Variants in ZNF516 observed in about 807,000 individuals in gnomAD.
ZNF516 encodes the protein zinc finger protein 516.
Under a neutral mutation model 79.7 loss-of-function variants are expected in ZNF516, and 19 were observed. The observed-to-expected ratio is 0.24, with a 90% confidence interval of 0.17 to 0.35. ZNF516 has a LOEUF of 0.35. ZNF516 is among the 10% of genes least tolerant of loss of function. The pLI, the probability that ZNF516 is intolerant of heterozygous loss-of-function variation, is 1.00. For missense variants in ZNF516, 1,678 were observed against 1,679.5 expected (o/e 1.00, Z 0.02); for synonymous variants, 877 against 739.5 (o/e 1.19, Z -3.02).
chr18:76,492,146 A>G (rs1915266621), intron 1 of ZNF516: 1 of 985,234 alleles, frequency 1.0e-6, no homozygotes, highest in Non-Finnish European at 1.2e-6. Flanking sequence ...TAACCTCTCC[A>G]TTGCATCATC....
chr18:76,432,613 A>C (rs541384729), intron 3 of ZNF516, among the ~76,000 whole-genome samples: 52 of 151,918 alleles, frequency 3.4e-4, no homozygotes, highest in African/African-American at 1.3e-3. Flanking sequence ...CTACAGCCCC[A>C]CTCTCTGGGC....
intron 3 of ZNF516, among the ~76,000 whole-genome samples, chr18:76,382,682 G>A (rs534335136): frequency 2.0e-5 from 3 of 152,256 alleles, no homozygotes; most frequent in East Asian, 3.9e-4. Context: ...AGGCCGAGGC[G>A]GGCAGATCAC....
chr18:76,441,742 G>A lies in ZNF516; in HGVS notation c.1313C>T (p.Ala438Val). 3.8e-6 allele frequency: 6 copies of A among 1,572,720 alleles called. No individual in the cohort carries two copies. The highest frequency in any genetic ancestry group is 3.4e-6 in the Non-Finnish European group (4 of 1,164,730). Residue 438 changes from alanine (A) to valine (V), a missense_variant, in exon 3 of 7, where the codon GCC (alanine) becomes GTC (valine). By Grantham distance (64) the Ala-to-Val change is moderately conservative. This residue lies in a region of ZNF516 where 1,294 missense variants were observed against 1,248.3 expected (regional missense o/e 1.04). Transcript: ENST00000443185. ...GTCCCCGGCCAGCGCCTCGTCCCAG[G>A]CCCCGTACTTGAGGTACTCGGCCGG... ...AEPAEYLKYG[A>V]WDEALAGDVA...
chr18:76,442,493 C>G lies in ZNF516; in HGVS notation c.562G>C (p.Asp188His). The change falls in exon 3 of 7, where the codon GAC becomes CAC. Residue 188 changes from aspartate to histidine, a missense_variant. By Grantham distance (81) the Asp-to-His change is moderately conservative. Coordinates refer to ENST00000443185, the MANE Select transcript of ZNF516 (RefSeq NM_014643.4). ...FCKSQFERKK[D>H]LELHVHQAHK... ...GCCTGGTGCACGTGCAGCTCCAGGT[C>G]CTTCTTACGCTCGAACTGGCTCTTG... 6.2e-7 allele frequency: 1 copy of G among 1,602,804 alleles called. No homozygotes were observed. Among genetic ancestry groups the G allele is most frequent in the Non-Finnish European group, 8.5e-7 (1 of 1,179,636 alleles).
At chr18:76,371,355 TG>T in intron 5 of ZNF516, 111 bp downstream of exon 5, 2 of 1,115,742 alleles carry the variant, frequency 1.8e-6, no homozygotes, top group Non-Finnish European at 1.3e-6. Flanking sequence ...CCCCGCCGCC[TG>T]GTAGGGGCTG....
chr18:76,365,967 G>A (rs2074606374), intron 6 of ZNF516, among the ~76,000 whole-genome samples: 1 of 152,200 alleles, frequency 6.6e-6, no homozygotes, highest in African/African-American at 2.4e-5. Flanking sequence ...ACCAAAGGAA[G>A]GTGTTCAGAA....
chr18:76,441,983 G>A lies in ZNF516; in HGVS notation c.1072C>T (p.Arg358Cys), dbSNP rs761524320. 10 of 1,613,112 alleles carry A rather than the reference G, an allele frequency of 6.2e-6. No homozygotes were observed. The highest frequency in any genetic ancestry group is 1.7e-4 in the Middle Eastern group (1 of 6,060). ...CGCGTGCGGCTGGCCTCGACTCTGC[G>A]GTGGATGGCATTGTGGGCGTTCAAG... ...DSLNAHNAIH[R>C]RVEASRTRAP... is the part of the protein sequence containing the mutation. The change falls in exon 3 of 7, where the codon CGC (arginine) becomes TGC (cysteine). Residue 358 changes from arginine (R) to cysteine (C), a missense_variant. Arg to Cys is a radical substitution (Grantham distance 180, BLOSUM62 -3). Transcript: ENST00000443185.
intron 3 of ZNF516, among the ~76,000 whole-genome samples, chr18:76,395,200 T>A (rs1568256028): frequency 6.6e-6 from 1 of 152,160 alleles, no homozygotes; most frequent in Non-Finnish European, 1.5e-5. Flanking sequence ...CAGAGTGGGT[T>A]TCCCACACAG....
At chr18:76,365,747 A>G (rs1242467998) in intron 6 of ZNF516, among the ~76,000 whole-genome samples, 2 of 152,152 alleles carry the variant, frequency 1.3e-5, no homozygotes, top group Non-Finnish European at 2.9e-5. Context: ...TGGAAGAATC[A>G]CCCACAAGAG....
chr18:76,492,147 T>C (rs376872720), intron 1 of ZNF516: 12 of 985,250 alleles, frequency 1.2e-5, no homozygotes, highest in African/African-American at 1.0e-4. Flanking sequence ...AACCTCTCCA[T>C]TGCATCATCC....
chr18:76,419,552 C>T (rs761472542), intron 3 of ZNF516, among the ~76,000 whole-genome samples: 5 of 152,208 alleles, frequency 3.3e-5, no homozygotes, highest in African/African-American at 4.8e-5. Flanking sequence ...AACTGTAGCT[C>T]CATAATTCCA....
At chr18:76,400,018 C>T (rs897525654) in intron 3 of ZNF516, among the ~76,000 whole-genome samples, 1 of 152,140 alleles carries the variant, frequency 6.6e-6, no homozygotes, top group Non-Finnish European at 1.5e-5. Context: ...AGACCATCAC[C>T]GCAGAGCAAT....
At chr18:76,439,368 T>C (rs1000274487) in intron 3 of ZNF516, among the ~76,000 whole-genome samples, 5 of 152,256 alleles carry the variant, frequency 3.3e-5, no homozygotes, top group South Asian at 2.1e-4. Flanking sequence ...CCATGTTTCA[T>C]GCCTCTGTCG....
Position 76,441,248 on chromosome 18 carries a change from G to C in ZNF516, c.1807C>G (p.Pro603Ala). 1 of 1,609,170 alleles carries C rather than the reference G, an allele frequency of 6.2e-7. No individual in the cohort carries two copies. Among genetic ancestry groups the C allele is most frequent in the Non-Finnish European group, 8.5e-7 (1 of 1,178,690 alleles). Reference protein sequence around the residue: ...SGEEGAPEPAPGGQPRRCCFS... With the variant: ...SGEEGAPEPAAGGQPRRCCFS... Reference sequence around the variant, plus strand: ...CCACCTGGGTACACTTGCTCACCTGGTGCAGGTTCAGGGGCGCCCTCCTCA... The same window carrying C: ...CCACCTGGGTACACTTGCTCACCTGCTGCAGGTTCAGGGGCGCCCTCCTCA... Residue 603 changes from proline to alanine, a missense_variant, in exon 3 of 7, where the codon CCA (proline) becomes GCA (alanine). Coordinates refer to ENST00000443185, the MANE Select transcript of ZNF516 (RefSeq NM_014643.4).
intron 3 of ZNF516, chr18:76,389,528 G>C (rs2075040207): frequency 6.6e-6 from 1 of 152,278 alleles, no homozygotes; most frequent in East Asian, 1.9e-4. Flanking sequence ...GCACGCACAT[G>C]GAGGCATGAT....
At position 76,441,042 on chromosome 18, in the gene ZNF516, A is replaced by G. The variant is rs140141369; in HGVS notation, c.1810+203T>C. ...TTCCTGGGTGTGGGGGACCCTGGGC[A>G]CAGGGACCCTGGGCAAGGGCACAAG... is the stretch of plus-strand genomic sequence containing the variant. On this transcript the variant is annotated intron_variant, in intron 3 of 6. Coordinates refer to ENST00000443185, the MANE Select transcript of ZNF516 (RefSeq NM_014643.4). Among the ~76,000 whole-genome samples the G allele has an allele frequency of 1.4e-4, 21 of 152,260 alleles. No homozygotes were observed. In the East Asian group the frequency reaches 4.1e-3, roughly 29 times the overall value.
chr18:76,457,649 C>G (rs1397777637), intron 2 of ZNF516, among the ~76,000 whole-genome samples: 1 of 152,092 alleles, frequency 6.6e-6, no homozygotes, highest in African/African-American at 2.4e-5. Context: ...CCGGGGAGGT[C>G]GAGGCTGCAG....
intron 1 of ZNF516, among the ~76,000 whole-genome samples, chr18:76,478,967 A>C (rs959744833): frequency 2.0e-5 from 3 of 152,226 alleles, no homozygotes; most frequent in Admixed American, 2.0e-4. Flanking sequence ...GAGGCACAAG[A>C]ATCATTTGAA....
intron 2 of ZNF516, among the ~76,000 whole-genome samples, chr18:76,455,748 G>C (rs3794931): frequency 0.02 from 3,101 of 152,216 alleles, 110 homozygotes; most frequent in African/African-American, 0.068. Context: ...GCAAGTCTGT[G>C]TCACAAAGAG....
Sources: gnomAD v4.1 joint callset for allele counts (sites outside exome capture counted in the v4.1 genomes callset) on GRCh38, gnomAD v4.1.1 for gene constraint, gnomAD v4.1.1 regional missense constraint, MANE v1.5 for transcripts, NCBI Gene and HGNC (gene_info 2026-07-23, HGNC 2026-07-21) for gene names.